The following MARCHF1 variants were observed in gnomAD, a reference collection of about 807,000 sequenced individuals.
MARCHF1 encodes the protein membrane associated ring-CH-type finger 1.
MARCHF1 carries 40 observed loss-of-function variants against 54.2 expected under a neutral mutation model. That is an observed-to-expected ratio of 0.74 (90% CI 0.57 to 0.96). MARCHF1 has a LOEUF of 0.96. Ranked by LOEUF, MARCHF1 falls within the 40% of genes least tolerant of loss-of-function variation. MARCHF1 has a pLI of 0.00. For synonymous variants in MARCHF1, 236 were observed against 236.3 expected, an observed-to-expected ratio of 1.00 and a Z score of 0.01; for missense variants, 586 against 656.5, an observed-to-expected ratio of 0.89 and a Z score of 1.17.
intron 5 of MARCHF1, among the ~76,000 whole-genome samples, chr4:163,630,834 T>A (rs555308797): frequency 6.0e-5 from 9 of 150,364 alleles, no homozygotes; most frequent in Admixed American, 2.0e-4. Flanking sequence ...AAAAAATTGG[T>A]AGTGCAGAAA....
chr4:163,847,083 A>G (rs1363594890), intron 4 of MARCHF1, among the ~76,000 whole-genome samples: 2 of 152,226 alleles, frequency 1.3e-5, no homozygotes, highest in African/African-American at 4.8e-5. Context: ...TTAGCTTCAA[A>G]CAAAGGATAA....
intron 4 of MARCHF1, among the ~76,000 whole-genome samples, chr4:163,720,325 A>G (rs1745404705): frequency 6.6e-6 from 1 of 152,222 alleles, no homozygotes; most frequent in Non-Finnish European, 1.5e-5. Context: ...TTTGTCAAAG[A>G]TCAGATGGTT....
rs1217503745 is a variant in MARCHF1 at position 163,810,497 on chromosome 4, T to C, written c.111+43524A>G. Among the ~76,000 whole-genome samples, 4 of 152,134 alleles carry C rather than the reference T, an allele frequency of 2.6e-5. No individual in the cohort carries two copies. The South Asian group carries it at 8.3e-4, about 31-fold the overall frequency. ...GAAAGTCTATGGGTGAATCTATCTC[T>C]TCCTCCCTAGTCAGCAGTTCCTTGG... is the stretch of plus-strand genomic sequence containing the variant. On this transcript the variant is annotated intron_variant, in intron 4 of 9. Coordinates refer to ENST00000514618, the MANE Select transcript of MARCHF1 (RefSeq NM_001394959.1).
rs58462839 is a variant in MARCHF1, at chr4:164,294,368, T to A, written c.-323+89502A>T. Among the ~76,000 whole-genome samples the A allele has an allele frequency of 5.8e-3, 886 of 152,250 alleles. 12 individuals carry two copies. The highest frequency in any genetic ancestry group is 0.021 in the African/African-American group (860 of 41,556). ...TAGAGAACCCTGAATAATACACAAA[T>A]CAATTGTAGCTCTCTTTCCTTCTGA... On this transcript the variant is annotated intron_variant, in intron 1 of 9. Transcript: ENST00000514618.
At chr4:164,325,521 C>T (rs1334991468) in intron 1 of MARCHF1, among the ~76,000 whole-genome samples, 1 of 151,894 alleles carries the variant, frequency 6.6e-6, no homozygotes, top group Non-Finnish European at 1.5e-5. Context: ...GATTTAAACA[C>T]ACTTATTTAA....
chr4:164,274,739 C>T (rs1014476098), intron 1 of MARCHF1, among the ~76,000 whole-genome samples: 2 of 128,714 alleles, frequency 1.6e-5, no homozygotes, highest in Non-Finnish European at 3.2e-5. Flanking sequence ...TGCAGCGGTG[C>T]GATCTCAGCT....
chr4:164,122,133 A>C (rs1187827466), intron 1 of MARCHF1, among the ~76,000 whole-genome samples: 1 of 152,142 alleles, frequency 6.6e-6, no homozygotes, highest in East Asian at 1.9e-4. Flanking sequence ...GCATTTAATA[A>C]AATTCAACAT....
intron 8 of MARCHF1, among the ~76,000 whole-genome samples, chr4:163,574,739 C>T (rs1460546785): frequency 2.6e-5 from 4 of 152,068 alleles, no homozygotes; most frequent in Non-Finnish European, 1.5e-5. Context: ...AGTTAGAAGT[C>T]AGGTAGTGTG....
At chr4:163,859,365 C>CT (rs34227596) in intron 3 of MARCHF1, among the ~76,000 whole-genome samples, 4,477 of 130,164 alleles carry the variant, frequency 0.034, 129 homozygotes, top group African/African-American at 0.084. Context: ...GAGAGAAAAG[C>CT]TTTTTTTTTT....
At chr4:164,173,470 C>G (rs894019211) in intron 1 of MARCHF1, among the ~76,000 whole-genome samples, 1 of 152,180 alleles carries the variant, frequency 6.6e-6, no homozygotes, top group Non-Finnish European at 1.5e-5. Flanking sequence ...TAATGGCAGA[C>G]GCAATTCAAT....
intron 4 of MARCHF1, among the ~76,000 whole-genome samples, chr4:163,843,685 T>A (rs1033428222): frequency 3.9e-5 from 6 of 151,994 alleles, no homozygotes; most frequent in Admixed American, 1.3e-4. Context: ...CCTAATTCTC[T>A]CCCCCTGCCA....
chr4:163,654,622 A>G (rs1382073357), intron 5 of MARCHF1, among the ~76,000 whole-genome samples: 2 of 151,650 alleles, frequency 1.3e-5, no homozygotes, highest in Non-Finnish European at 3.0e-5. Context: ...TTTGATAATT[A>G]TTCCTGCCAT....
chr4:164,077,594 A>G (rs1306789080), intron 2 of MARCHF1, among the ~76,000 whole-genome samples: 1 of 152,228 alleles, frequency 6.6e-6, no homozygotes, highest in African/African-American at 2.4e-5. Flanking sequence ...TGAACAGGCA[A>G]CCTACAGAAT....
chr4:163,683,337 A>G (rs1744167527), intron 5 of MARCHF1, among the ~76,000 whole-genome samples: 1 of 152,172 alleles, frequency 6.6e-6, no homozygotes, highest in South Asian at 2.1e-4. Context: ...AGATCTTGTG[A>G]GACATATTCA....
At chr4:163,751,692 C>G (rs866295006) in intron 4 of MARCHF1, among the ~76,000 whole-genome samples, 5 of 151,946 alleles carry the variant, frequency 3.3e-5, no homozygotes, top group Non-Finnish European at 7.4e-5. Context: ...CAGACTTAAA[C>G]AGAGAAATGC....
At chr4:163,659,355 G>C (rs1016329745) in intron 5 of MARCHF1, among the ~76,000 whole-genome samples, 18 of 152,048 alleles carry the variant, frequency 1.2e-4, no homozygotes, top group Admixed American at 2.6e-4. Context: ...GCCATATGCA[G>C]AAAACAGAAA....
intron 2 of MARCHF1, among the ~76,000 whole-genome samples, chr4:164,047,679 C>G (rs1465212064): frequency 6.6e-6 from 1 of 152,120 alleles, no homozygotes; most frequent in Non-Finnish European, 1.5e-5. Flanking sequence ...CTTAAGTTCT[C>G]AAGAAAGACC....
intron 5 of MARCHF1, among the ~76,000 whole-genome samples, chr4:163,622,869 C>T (rs1261115757): frequency 6.6e-6 from 1 of 152,056 alleles, no homozygotes; most frequent in African/African-American, 2.4e-5. Context: ...AAGGCTAGGC[C>T]CTTTCAGCAG....
intron 4 of MARCHF1, among the ~76,000 whole-genome samples, chr4:163,846,253 A>G (rs1749482023): frequency 6.6e-6 from 1 of 152,216 alleles, no homozygotes; most frequent in South Asian, 2.1e-4. Context: ...GCCACTGTAT[A>G]ATAAACTGGC....
Sources: allele counts gnomAD v4.1 joint callset (sites outside exome capture counted in the v4.1 genomes callset), GRCh38; gene constraint gnomAD v4.1.1; transcripts MANE v1.5; gene names NCBI Gene and HGNC (gene_info 2026-07-23, HGNC 2026-07-21).